Variants in MSL2 observed in about 807,000 individuals in gnomAD.
The protein encoded by MSL2 is MSL complex subunit 2.
A neutral mutation model predicts 35.8 loss-of-function variants in MSL2; 2 were observed. The observed-to-expected ratio is 0.06, with a 90% confidence interval of 0.02 to 0.18. The LOEUF (loss-of-function observed/expected upper bound fraction) is 0.18, where lower values mean the gene tolerates loss of function less well. Among genes scored for constraint, MSL2 ranks in the 10% least tolerant of loss-of-function variants. MSL2 has a pLI of 1.00. For synonymous variants in MSL2, 296 were observed against 255.7 expected, an observed-to-expected ratio of 1.16 and a Z score of -1.50; for missense variants, 523 against 706.7, an observed-to-expected ratio of 0.74 and a Z score of 2.95.
intron 1 of MSL2, among the ~76,000 whole-genome samples, chr3:136,169,797 G>T (rs1939968324): frequency 6.6e-6 from 1 of 151,806 alleles, no homozygotes; most frequent in African/African-American, 2.4e-5. Context: ...TAACTGGCCA[G>T]GCACGCTCCA....
intron 1 of MSL2, among the ~76,000 whole-genome samples, chr3:136,156,537 T>C (rs59747718): frequency 6.6e-6 from 1 of 152,072 alleles, no homozygotes; most frequent in African/African-American, 2.4e-5. Context: ...AGAAAAAAAA[T>C]TATGCCTCAA....
intron 1 of MSL2, among the ~76,000 whole-genome samples, chr3:136,170,038 G>C (rs1206806344): frequency 3.6e-5 from 5 of 137,292 alleles, no homozygotes; most frequent in Admixed American, 7.5e-5. Flanking sequence ...GCGACAGAGA[G>C]ACTCCATTAA....
chr3:136,179,974 G>A (rs1293649813), intron 1 of MSL2, among the ~76,000 whole-genome samples: 1 of 152,106 alleles, frequency 6.6e-6, no homozygotes, highest in Non-Finnish European at 1.5e-5. Flanking sequence ...GCTGAGGCAA[G>A]AGAACACTTG....
intron 1 of MSL2, among the ~76,000 whole-genome samples, chr3:136,178,313 GATTA>G (rs1318453299): frequency 1.3e-5 from 2 of 152,140 alleles, no homozygotes; most frequent in African/African-American, 4.8e-5. Context: ...AATGTAGGCT[GATTA>G]ATTAGGCAAA....
At chr3:136,158,449 G>A (rs532078446) in intron 1 of MSL2, among the ~76,000 whole-genome samples, 94 of 151,176 alleles carry the variant, frequency 6.2e-4, no homozygotes, top group African/African-American at 2.2e-3. Context: ...ATTCACAAAC[G>A]AGAAATTGAA....
chr3:136,181,646 C>G (rs535814791), intron 1 of MSL2, among the ~76,000 whole-genome samples: 2 of 152,064 alleles, frequency 1.3e-5, no homozygotes, highest in South Asian at 4.1e-4. Flanking sequence ...TGGCCGGGCG[C>G]GGTGGTTCAC....
At chr3:136,155,873 T>C in intron 1 of MSL2, 1 of 578,402 alleles carries the variant, frequency 1.7e-6, no homozygotes, top group Admixed American at 1.9e-5. Flanking sequence ...TCCTCAGGCA[T>C]TTCTACCTGG....
intron 1 of MSL2, among the ~76,000 whole-genome samples, chr3:136,188,607 G>A (rs555394856): frequency 2.6e-5 from 4 of 151,864 alleles, no homozygotes; most frequent in African/African-American, 4.8e-5. Context: ...AAATTTAGCA[G>A]GGCATTGATG....
intron 1 of MSL2, chr3:136,155,917 G>A: frequency 1.8e-6 from 1 of 554,068 alleles, no homozygotes; most frequent in Non-Finnish European, 3.6e-6. Context: ...AGCACCTCAT[G>A]GTTTCCAATA....
chr3:136,174,329 T>C (rs995506553), intron 1 of MSL2, among the ~76,000 whole-genome samples: 4 of 152,106 alleles, frequency 2.6e-5, no homozygotes, highest in Admixed American at 6.6e-5. Context: ...CAATGAAAAA[T>C]AGAGGCTCAG....
intron 1 of MSL2, among the ~76,000 whole-genome samples, chr3:136,161,480 G>A (rs1454363011): frequency 6.6e-6 from 1 of 152,300 alleles, no homozygotes; most frequent in Non-Finnish European, 1.5e-5. Context: ...TCCATTAATT[G>A]GTGAGTAGAT....
intron 1 of MSL2, among the ~76,000 whole-genome samples, chr3:136,163,552 T>C (rs936827422): frequency 6.6e-6 from 1 of 152,204 alleles, no homozygotes; most frequent in South Asian, 2.1e-4. Context: ...GATCACCTTG[T>C]TATGCCAGGA....
Position 136,150,247 on chromosome 3 carries a change from A to G in MSL2, c.*900T>C, listed in dbSNP as rs1026560257. 3.3e-5 allele frequency: 5 copies of G among 152,300 alleles called. No individual in the cohort carries two copies. The highest frequency in any genetic ancestry group is 4.8e-5 in the African/African-American group (2 of 41,440). 9.4% of individuals were successfully genotyped at this position (152,300 alleles called of 1,614,324 possible). ...TGTGGCAAATAAACTATTAGAGAAA[A>G]TAAGTCAAAGTGGCGGCCAGTGGCA... On this transcript the variant is annotated 3_prime_UTR_variant, in exon 2 of 2. Transcript: ENST00000309993.
At chr3:136,188,725 C>CAA (rs11328242) in intron 1 of MSL2, among the ~76,000 whole-genome samples, 61 of 102,498 alleles carry the variant, frequency 6.0e-4, no homozygotes, top group Middle Eastern at 5.1e-3. Context: ...GACCCTGTCT[C>CAA]AAAAAAAAAA....
At chr3:136,180,391 A>G (rs905227316) in intron 1 of MSL2, among the ~76,000 whole-genome samples, 14 of 152,212 alleles carry the variant, frequency 9.2e-5, no homozygotes, top group African/African-American at 3.4e-4. Flanking sequence ...ACTTTTTGAA[A>G]TATTACCAAG....
Position 136,188,377 on chromosome 3 carries a change from T to G in MSL2, c.142+6595A>C, listed in dbSNP as rs112603876. Among the ~76,000 whole-genome samples, 1,198 of 148,638 alleles carry G rather than the reference T, an allele frequency of 8.1e-3. 24 individuals are homozygous for G. The highest frequency in any genetic ancestry group is 0.027 in the African/African-American group (1,088 of 40,114). On this transcript the variant is annotated intron_variant, in intron 1 of 1. Transcript: ENST00000309993. The stretch of plus-strand genomic sequence containing the variant: ...TGAACCCATGAAGCAGAGGTTGCAG[T>G]GAGCCGAGATCGCACCACTGCAGTC...
At chr3:136,172,841 A>G (rs1940065615) in intron 1 of MSL2, among the ~76,000 whole-genome samples, 1 of 152,118 alleles carries the variant, frequency 6.6e-6, no homozygotes. Context: ...CCCCTTTTGA[A>G]ACAGACATGA....
chr3:136,148,947 A>AT lies in MSL2; in HGVS notation c.*2199dup, dbSNP rs1288943528. On this transcript the variant is annotated 3_prime_UTR_variant, in exon 2 of 2. Transcript: ENST00000309993. Reference sequence around the variant, plus strand: ...TTAGAAAACTATCATTTATTGATAGATTTAAGGTGTAATACAGGTTTCCAA... The same window carrying AT: ...TTAGAAAACTATCATTTATTGATAGATTTTAAGGTGTAATACAGGTTTCCAA... 6.6e-6 allele frequency: 1 copy of AT among 152,602 alleles called. No individual in the cohort carries two copies. The highest frequency in any genetic ancestry group is 1.5e-5 in the Non-Finnish European group (1 of 68,016). 9.5% of individuals were successfully genotyped at this position (152,602 alleles called of 1,614,324 possible).
At chr3:136,192,102 T>A (rs1940705729) in intron 1 of MSL2, among the ~76,000 whole-genome samples, 1 of 152,216 alleles carries the variant, frequency 6.6e-6, no homozygotes, top group South Asian at 2.1e-4. Flanking sequence ...TGATACAAAA[T>A]CTGCACTCAA....
Sources: gnomAD v4.1 joint callset for allele counts (sites outside exome capture counted in the v4.1 genomes callset) on GRCh38, gnomAD v4.1.1 for gene constraint, MANE v1.5 for transcripts, NCBI Gene and HGNC (gene_info 2026-07-23, HGNC 2026-07-21) for gene names.